ASH1L: variants seen among roughly 807,000 people sequenced by gnomAD.
ASH1L encodes the protein histone-lysine N-methyltransferase ASH1L.
Under a neutral mutation model 269.0 loss-of-function variants are expected in ASH1L, and 23 were observed. The observed-to-expected ratio is 0.09, with a 90% CI of 0.06 to 0.12. The LOEUF is 0.12. ASH1L is among the 10% of genes least tolerant of loss of function. ASH1L has a pLI of 1.00. For missense variants in ASH1L, 2,912 were observed against 3,567.8 expected, an observed-to-expected ratio of 0.82 and a Z score of 4.68; for synonymous variants, 1,187 against 1,253.5, an observed-to-expected ratio of 0.95 and a Z score of 1.12.
Position 155,561,811 on chromosome 1 carries a change from T to G in ASH1L, c.-100+342A>C, listed in dbSNP as rs879414742. Among the ~76,000 whole-genome samples, 58 of 150,652 alleles carry G rather than the reference T, an allele frequency of 3.8e-4. 1 individual carries two copies. Among genetic ancestry groups the G allele is most frequent in the Admixed American group, 1.3e-3 (20 of 15,066 alleles). On this transcript the variant is annotated intron_variant, in intron 1 of 27. Transcript: ENST00000392403. The stretch of plus-strand genomic sequence containing the variant: ...CTCTCAAGATCGTGTCCTCGACCAC[T>G]CTTATCCCTTAATTAAACACACACA...
chr1:155,373,443 G>A (rs535200415), intron 10 of ASH1L, among the ~76,000 whole-genome samples: 1 of 151,314 alleles, frequency 6.6e-6, no homozygotes, highest in East Asian at 1.9e-4. Context: ...GCGCACCACC[G>A]CATCTGACTA....
At chr1:155,367,388 T>C (rs1193271757) in intron 12 of ASH1L, among the ~76,000 whole-genome samples, 1 of 152,230 alleles carries the variant, frequency 6.6e-6, no homozygotes, top group Non-Finnish European at 1.5e-5. Flanking sequence ...CATCTTTCCA[T>C]TAATCTTGCT....
Position 155,562,799 on chromosome 1 carries a change from G to GCCT in ASH1L, c.-749_-747dup, listed in dbSNP as rs748963366. 759 of 608,838 alleles carry GCCT rather than the reference G, an allele frequency of 1.2e-3. 1 individual carries two copies. The highest frequency in any genetic ancestry group is 1.5e-3 in the Non-Finnish European group (504 of 340,280). The allele number at this position is 608,838 out of a possible 1,614,324, so 37.7% of individuals were successfully genotyped here. On this transcript the variant is annotated 5_prime_UTR_variant, in exon 1 of 28. Coordinates refer to ENST00000392403, the MANE Select transcript of ASH1L (RefSeq NM_018489.3). ...CGTACCTTCAACGGCGCAAGCCCAA[G>GCCT]CCTCCTCCTCCTCCTCCTCCACCTC... is the stretch of plus-strand genomic sequence containing the variant.
chr1:155,417,598 A>T (rs1660320767), intron 5 of ASH1L, among the ~76,000 whole-genome samples: 1 of 152,202 alleles, frequency 6.6e-6, no homozygotes, highest in Non-Finnish European at 1.5e-5. Context: ...AATAGGGGAC[A>T]TTAAACAGCA....
chr1:155,450,059 A>G (rs1663353345), intron 4 of ASH1L, among the ~76,000 whole-genome samples: 1 of 152,134 alleles, frequency 6.6e-6, no homozygotes, highest in Non-Finnish European at 1.5e-5. Flanking sequence ...AAGTTGACAG[A>G]TGTTATTTTT....
chr1:155,352,645 T>C (rs1570971975), intron 17 of ASH1L, 61 bp downstream of exon 17: 1 of 1,485,428 alleles, frequency 6.7e-7, no homozygotes, highest in Middle Eastern at 2.5e-4. Flanking sequence ...TCTCTATTTA[T>C]TTAAAAAAAA....
rs1485996310 is a variant in ASH1L at position 155,535,804 on chromosome 1, G to A, written c.-99-14186C>T. Among the ~76,000 whole-genome samples, 4 of 152,208 alleles carry A rather than the reference G, an allele frequency of 2.6e-5. No individual in the cohort carries two copies. In the South Asian group the frequency reaches 6.2e-4, roughly 24 times the overall value. On this transcript the variant is annotated intron_variant, in intron 1 of 27. Transcript: ENST00000392403. The stretch of plus-strand genomic sequence containing the variant: ...AGGTTGGGTTGGGAGTTTGAGACCA[G>A]CCTGACCAACATGGAAAAACACTGT...
chr1:155,441,373 A>G (rs550960017), intron 4 of ASH1L, among the ~76,000 whole-genome samples: 2 of 148,798 alleles, frequency 1.3e-5, no homozygotes. Flanking sequence ...CCAAGCAATG[A>G]GTTGGCATAC....
At chr1:155,532,121 A>G (rs1382364352) in intron 1 of ASH1L, among the ~76,000 whole-genome samples, 1 of 152,212 alleles carries the variant, frequency 6.6e-6, no homozygotes, top group Non-Finnish European at 1.5e-5. Context: ...CTCTTCACTC[A>G]AACAGGCAAA....
chr1:155,365,449 C>T (rs1284508344), intron 12 of ASH1L, among the ~76,000 whole-genome samples: 2 of 150,634 alleles, frequency 1.3e-5, no homozygotes, highest in African/African-American at 4.9e-5. Flanking sequence ...TCTCGAACTC[C>T]TGACCTCAGG....
chr1:155,421,542 G>A (rs1284809563), intron 5 of ASH1L, among the ~76,000 whole-genome samples: 2 of 151,234 alleles, frequency 1.3e-5, no homozygotes, highest in Non-Finnish European at 2.9e-5. Context: ...ATGGTGGTGG[G>A]TGCCTGTAGT....
In ASH1L at chr1:155,481,662, T is replaced by C; in HGVS notation, c.1208A>G (p.Asp403Gly). The part of the protein sequence containing the change: ...ASSAMGLVNK[D>G]IGKKLMSCPL... ...ACAACTCATTAGTTTCTTTCCAATG[T>C]CCTTATTAACCAATCCCATTGCTGA... The change falls in exon 3 of 28, where the codon GAC (aspartate) becomes GGC (glycine). Residue 403 changes from aspartate to glycine, a missense_variant. Coordinates refer to ENST00000392403, the MANE Select transcript of ASH1L (RefSeq NM_018489.3). 1.2e-6 allele frequency: 2 copies of C among 1,614,142 alleles called. No homozygotes were observed. The highest frequency in any genetic ancestry group is 1.7e-6 in the Non-Finnish European group (2 of 1,180,024).
chr1:155,500,418 C>T (rs1667428387), intron 2 of ASH1L, among the ~76,000 whole-genome samples: 1 of 152,216 alleles, frequency 6.6e-6, no homozygotes, highest in South Asian at 2.1e-4. Flanking sequence ...GGTAAGACTA[C>T]AGAATCCATC....
intron 1 of ASH1L, among the ~76,000 whole-genome samples, chr1:155,561,362 G>A (rs1312286162): frequency 2.2e-5 from 3 of 137,702 alleles, no homozygotes; most frequent in African/African-American, 7.7e-5. Flanking sequence ...ACCACAACTG[G>A]CTATGCCAAG....
chr1:155,356,289 T>C (rs1002388684), intron 15 of ASH1L, among the ~76,000 whole-genome samples: 49 of 152,202 alleles, frequency 3.2e-4, no homozygotes, highest in African/African-American at 1.2e-3. Context: ...GACAGTCTGA[T>C]GAAGCCTATG....
chr1:155,376,793 T>C (rs1042270188), intron 10 of ASH1L, among the ~76,000 whole-genome samples: 2 of 150,126 alleles, frequency 1.3e-5, no homozygotes, highest in African/African-American at 4.9e-5. Flanking sequence ...AGGCAGAGGT[T>C]GCAGTGAGCC....
chr1:155,518,264 A>G (rs1668631746), intron 2 of ASH1L, among the ~76,000 whole-genome samples: 1 of 152,198 alleles, frequency 6.6e-6, no homozygotes, highest in Non-Finnish European at 1.5e-5. Flanking sequence ...AGATCTAAAC[A>G]TAAGAGCTAA....
intron 3 of ASH1L, among the ~76,000 whole-genome samples, chr1:155,463,134 G>A (rs1203698792): frequency 6.6e-6 from 1 of 152,128 alleles, no homozygotes; most frequent in Non-Finnish European, 1.5e-5. Context: ...TTGCAGTTGG[G>A]CTTCCAGAAA....
intron 2 of ASH1L, among the ~76,000 whole-genome samples, chr1:155,484,953 A>AC (rs1457705653): frequency 2.1e-4 from 30 of 142,650 alleles, no homozygotes; most frequent in African/African-American, 6.9e-4. Context: ...ACAAAAACAA[A>AC]AACAAAAACA....
Sources: allele counts gnomAD v4.1 joint callset (sites outside exome capture counted in the v4.1 genomes callset), GRCh38; gene constraint gnomAD v4.1.1; transcripts MANE v1.5; gene names NCBI Gene and HGNC (gene_info 2026-07-23, HGNC 2026-07-21).